The following CNTNAP2 variants were observed in gnomAD, a reference collection of about 807,000 sequenced individuals.
The protein encoded by CNTNAP2 is contactin-associated protein-like 2.
CNTNAP2 carries 98 observed loss-of-function variants against 155.2 expected under a neutral mutation model. The observed-to-expected ratio is 0.63, with a 90% CI of 0.54 to 0.75. CNTNAP2 has a LOEUF of 0.75. CNTNAP2 is among the 30% of genes least tolerant of loss of function. The probability of loss-of-function intolerance (pLI) is 0.00; values close to 1 mark genes in which losing one functional copy is unlikely to be tolerated. For missense variants in CNTNAP2, 1,727 were observed against 1,688.1 expected (o/e 1.02, Z -0.40); for synonymous variants, 651 against 631.2 (o/e 1.03, Z -0.47).
intron 15 of CNTNAP2, among the ~76,000 whole-genome samples, chr7:147,989,109 G>A (rs1351007874): frequency 6.6e-6 from 1 of 152,216 alleles, no homozygotes; most frequent in Non-Finnish European, 1.5e-5. Flanking sequence ...AAACATTAAT[G>A]TACTTAGAAA....
intron 21 of CNTNAP2, among the ~76,000 whole-genome samples, chr7:148,287,585 G>T (rs1031352821): frequency 6.6e-6 from 1 of 151,998 alleles, no homozygotes; most frequent in Non-Finnish European, 1.5e-5. Context: ...ATTTTCTGTT[G>T]CTATAACAGA....
At chr7:146,933,175 T>C (rs892523569) in intron 3 of CNTNAP2, among the ~76,000 whole-genome samples, 2 of 151,704 alleles carry the variant, frequency 1.3e-5, no homozygotes, top group Non-Finnish European at 2.9e-5. Context: ...TCACGCTACC[T>C]GACTTCAAAG....
intron 19 of CNTNAP2, among the ~76,000 whole-genome samples, chr7:148,226,234 T>C (rs1010087672): frequency 1.3e-5 from 2 of 148,360 alleles, no homozygotes; most frequent in African/African-American, 5.0e-5. Flanking sequence ...GAGTCTGGAG[T>C]TCAAGAGAGA....
intron 8 of CNTNAP2, among the ~76,000 whole-genome samples, chr7:147,195,516 G>A (rs1051088834): frequency 6.6e-6 from 1 of 152,038 alleles, no homozygotes; most frequent in Non-Finnish European, 1.5e-5. Flanking sequence ...ACTTTGGGCA[G>A]TATGGCTAAT....
intron 22 of CNTNAP2, among the ~76,000 whole-genome samples, chr7:148,388,151 TTTA>T (rs902074591): frequency 4.6e-5 from 7 of 152,276 alleles, no homozygotes; most frequent in African/African-American, 1.7e-4. Context: ...TCCTTTTTGT[TTTA>T]TTATTATACT....
chr7:146,451,838 A>ATATATGTATATGTG, intron 1 of CNTNAP2, among the ~76,000 whole-genome samples: 2 of 61,238 alleles, frequency 3.3e-5, no homozygotes, highest in Admixed American at 2.0e-4. Flanking sequence ...ATATATACAT[A>ATATATGTATATGTG]TATATATACA....
At chr7:147,964,741 A>G (rs1334470979) in intron 14 of CNTNAP2, among the ~76,000 whole-genome samples, 1 of 152,122 alleles carries the variant, frequency 6.6e-6, no homozygotes, top group Non-Finnish European at 1.5e-5. Flanking sequence ...GAGGATTTAT[A>G]TGTCTTTTAA....
At chr7:147,797,780 G>A (rs531606802) in intron 13 of CNTNAP2, among the ~76,000 whole-genome samples, 2 of 152,076 alleles carry the variant, frequency 1.3e-5, no homozygotes, top group Non-Finnish European at 2.9e-5. Context: ...ACATATTTGA[G>A]CTATAAAGAC....
At chr7:146,441,880 T>C (rs1796325405) in intron 1 of CNTNAP2, among the ~76,000 whole-genome samples, 1 of 151,524 alleles carries the variant, frequency 6.6e-6, no homozygotes, top group African/African-American at 2.4e-5. Flanking sequence ...CAAAAGAGGG[T>C]AAAATTGGAA....
chr7:148,190,706 A>G (rs1299272460), intron 18 of CNTNAP2: 2 of 151,936 alleles, frequency 1.3e-5, no homozygotes, highest in Non-Finnish European at 2.9e-5. Context: ...AGGCCACAGA[A>G]CTAGGGAAGC....
chr7:148,260,642 C>G (rs549329346), intron 20 of CNTNAP2, among the ~76,000 whole-genome samples: 1 of 152,204 alleles, frequency 6.6e-6, no homozygotes, highest in African/African-American at 2.4e-5. Context: ...AACAGCAACT[C>G]CAAGATGTAA....
intron 3 of CNTNAP2, among the ~76,000 whole-genome samples, chr7:146,934,960 A>G (rs1406641152): frequency 2.0e-5 from 3 of 152,362 alleles, no homozygotes; most frequent in East Asian, 1.9e-4. Context: ...AGAGGAATGT[A>G]TAGACTAAAT....
chr7:147,414,923 AAGAG>A (rs981850708), intron 10 of CNTNAP2, among the ~76,000 whole-genome samples: 6 of 140,974 alleles, frequency 4.3e-5, no homozygotes, highest in East Asian at 2.1e-4. Flanking sequence ...GCCTGGGTGA[AAGAG>A]AGAGACTCCT....
intron 12 of CNTNAP2, among the ~76,000 whole-genome samples, chr7:147,638,533 A>G (rs1423671755): frequency 3.9e-5 from 6 of 152,254 alleles, no homozygotes; most frequent in African/African-American, 1.4e-4. Context: ...AAAATCACCA[A>G]GATAATTAGT....
chr7:146,686,287 C>A (rs28386785), intron 1 of CNTNAP2, among the ~76,000 whole-genome samples: 1 of 150,938 alleles, frequency 6.6e-6, no homozygotes, highest in Non-Finnish European at 1.5e-5. Context: ...AGAGTGAGAC[C>A]CTGTCTCAAG....
At chr7:146,791,285 G>C (rs1021513742) in intron 2 of CNTNAP2, among the ~76,000 whole-genome samples, 4 of 152,034 alleles carry the variant, frequency 2.6e-5, no homozygotes, top group African/African-American at 9.7e-5. Context: ...TTTTTTTATG[G>C]CTACATAGTA....
chr7:146,269,374 G>A (rs918162240), intron 1 of CNTNAP2, among the ~76,000 whole-genome samples: 29 of 151,884 alleles, frequency 1.9e-4, no homozygotes, highest in Non-Finnish European at 7.4e-5. Flanking sequence ...AATCAATTAG[G>A]GTGTAATGGG....
chr7:148,402,639 TAAAAC>T (rs1026606419), intron 22 of CNTNAP2, among the ~76,000 whole-genome samples: 5 of 152,160 alleles, frequency 3.3e-5, no homozygotes, highest in South Asian at 2.1e-4. Flanking sequence ...TAAAATGTAA[TAAAAC>T]AAAGAAGCTA....
intron 12 of CNTNAP2, among the ~76,000 whole-genome samples, chr7:147,629,826 G>A (rs1241721333): frequency 6.6e-6 from 1 of 152,078 alleles, no homozygotes; most frequent in Non-Finnish European, 1.5e-5. Flanking sequence ...AGCAAAAGTG[G>A]TGCTGAGAGG....
Sources: allele counts gnomAD v4.1 joint callset (sites outside exome capture counted in the v4.1 genomes callset), GRCh38; gene constraint gnomAD v4.1.1; transcripts MANE v1.5; gene names NCBI Gene and HGNC (gene_info 2026-07-23, HGNC 2026-07-21).